Variants in SH3RF3 observed in about 807,000 individuals in gnomAD.
The protein encoded by SH3RF3 is SH3 domain containing ring finger 3.
A neutral mutation model predicts 66.3 loss-of-function variants in SH3RF3; 29 were observed. The ratio of observed to expected loss-of-function variants is 0.44; its 90% CI spans 0.33 to 0.60. The LOEUF is 0.60. Ranked by LOEUF, SH3RF3 falls within the 20% of genes least tolerant of loss-of-function variation. The pLI is 0.04. For synonymous variants in SH3RF3, 583 were observed against 532.0 expected (o/e 1.10, Z -1.32); for missense variants, 1,194 against 1,190.9 (o/e 1.00, Z -0.04).
At chr2:109,329,035 G>A (rs977843244) in intron 1 of SH3RF3, among the ~76,000 whole-genome samples, 3 of 152,202 alleles carry the variant, frequency 2.0e-5, no homozygotes, top group African/African-American at 7.2e-5. Flanking sequence ...CACAGAGGCA[G>A]TCATCTTAGT....
At chr2:109,181,156 T>C (rs1678064081) in intron 1 of SH3RF3, among the ~76,000 whole-genome samples, 1 of 152,206 alleles carries the variant, frequency 6.6e-6, no homozygotes, top group African/African-American at 2.4e-5. Flanking sequence ...GTGTTTGGTG[T>C]TGGACTTCTG....
At chr2:109,416,013 G>A (rs1428961560) in intron 4 of SH3RF3, among the ~76,000 whole-genome samples, 1 of 152,132 alleles carries the variant, frequency 6.6e-6, no homozygotes, top group East Asian at 1.9e-4. Flanking sequence ...CAGCCCCCTC[G>A]TCATGTGATG....
chr2:109,147,301 A>G (rs935130669), intron 1 of SH3RF3, among the ~76,000 whole-genome samples: 1 of 152,096 alleles, frequency 6.6e-6, no homozygotes, highest in Non-Finnish European at 1.5e-5. Flanking sequence ...CTCTCTCTCT[A>G]TCAGAGGCAC....
chr2:109,388,949 C>T (rs1208731850), intron 3 of SH3RF3, among the ~76,000 whole-genome samples: 1 of 152,152 alleles, frequency 6.6e-6, no homozygotes, highest in Non-Finnish European at 1.5e-5. Flanking sequence ...ATGAGGGCTG[C>T]AGTGTGCAGC....
chr2:109,151,752 T>G (rs1574476249), intron 1 of SH3RF3, among the ~76,000 whole-genome samples: 1 of 152,234 alleles, frequency 6.6e-6, no homozygotes, highest in East Asian at 1.9e-4. Flanking sequence ...ATCAGACCAC[T>G]TCAGATATCA....
At chr2:109,221,951 G>A (rs4676264) in intron 1 of SH3RF3, among the ~76,000 whole-genome samples, 6,222 of 151,330 alleles carry the variant, frequency 0.041, 385 homozygotes, top group East Asian at 0.31. Context: ...ATGTGAATCA[G>A]CCCAAGTGTC....
chr2:109,377,439 G>C (rs4074382), intron 3 of SH3RF3, among the ~76,000 whole-genome samples: 1 of 152,096 alleles, frequency 6.6e-6, no homozygotes, highest in Non-Finnish European at 1.5e-5. Context: ...CCTAGGATCC[G>C]GGGAAGAAGC....
intron 1 of SH3RF3, among the ~76,000 whole-genome samples, chr2:109,263,498 A>G (rs1680407919): frequency 2.6e-5 from 4 of 152,182 alleles, no homozygotes. Context: ...TCCTCTGTGG[A>G]TTAGGGGGCT....
intron 8 of SH3RF3, among the ~76,000 whole-genome samples, chr2:109,455,494 A>G (rs1325842959): frequency 6.6e-6 from 1 of 151,294 alleles, no homozygotes; most frequent in Non-Finnish European, 1.5e-5. Flanking sequence ...GCACCCACCC[A>G]TTAAATATAT....
At chr2:109,241,631 G>A (rs910348811) in intron 1 of SH3RF3, among the ~76,000 whole-genome samples, 1 of 152,004 alleles carries the variant, frequency 6.6e-6, no homozygotes, top group Non-Finnish European at 1.5e-5. Flanking sequence ...AGGGCCCCTG[G>A]GACTCTCTGT....
At chr2:109,456,638 C>T (rs1158021750) in intron 8 of SH3RF3, among the ~76,000 whole-genome samples, 2 of 152,216 alleles carry the variant, frequency 1.3e-5, no homozygotes, top group African/African-American at 2.4e-5. Context: ...CCCAGTTCTC[C>T]TGTAGAAACT....
chr2:109,465,904 G>A (rs980353926), intron 8 of SH3RF3, among the ~76,000 whole-genome samples: 12 of 151,942 alleles, frequency 7.9e-5, no homozygotes, highest in Non-Finnish European at 1.6e-4. Flanking sequence ...CTGCTTCCAC[G>A]ACCATTCACC....
chr2:109,434,661 C>T (rs559646805), intron 6 of SH3RF3, among the ~76,000 whole-genome samples: 1 of 152,328 alleles, frequency 6.6e-6, no homozygotes, highest in South Asian at 2.1e-4. Flanking sequence ...GGCCCTCATC[C>T]TTGCCTGTGC....
chr2:109,392,432 G>A (rs1434156451), intron 3 of SH3RF3, among the ~76,000 whole-genome samples: 1 of 152,102 alleles, frequency 6.6e-6, no homozygotes, highest in Non-Finnish European at 1.5e-5. Flanking sequence ...ACCTCGTGGT[G>A]GATATAAGGG....
chr2:109,383,068 T>A (rs910456228), intron 3 of SH3RF3, among the ~76,000 whole-genome samples: 9 of 152,194 alleles, frequency 5.9e-5, no homozygotes, highest in Admixed American at 5.2e-4. Flanking sequence ...CGGTGTCAGA[T>A]TCCATGCAGC....
intron 1 of SH3RF3, among the ~76,000 whole-genome samples, chr2:109,244,546 T>A (rs1679866654): frequency 6.6e-6 from 1 of 152,166 alleles, no homozygotes; most frequent in African/African-American, 2.4e-5. Context: ...TTTGGAACTG[T>A]TTTTAAGATG....
chr2:109,297,652 T>C (rs1332300435), intron 1 of SH3RF3, among the ~76,000 whole-genome samples: 1 of 147,850 alleles, frequency 6.8e-6, no homozygotes, highest in African/African-American at 2.5e-5. Flanking sequence ...ACCAGGCCAG[T>C]GTCCCCCACC....
At chr2:109,164,052 T>C (rs187741918) in intron 1 of SH3RF3, among the ~76,000 whole-genome samples, 5 of 152,296 alleles carry the variant, frequency 3.3e-5, no homozygotes, top group Admixed American at 3.3e-4. Context: ...TATTTATAAA[T>C]TTGCTTCTAA....
At chr2:109,449,908 T>C (rs924503857) in intron 8 of SH3RF3, among the ~76,000 whole-genome samples, 1 of 152,250 alleles carries the variant, frequency 6.6e-6, no homozygotes, top group Non-Finnish European at 1.5e-5. Flanking sequence ...CTTCAATATG[T>C]CATCCTTGTG....
Sources: allele counts gnomAD v4.1 joint callset (sites outside exome capture counted in the v4.1 genomes callset), GRCh38; gene constraint gnomAD v4.1.1; transcripts MANE v1.5; gene names NCBI Gene and HGNC (gene_info 2026-07-23, HGNC 2026-07-21).